Variants in PPP1R1A observed in about 807,000 individuals in gnomAD.
PPP1R1A encodes protein phosphatase 1 regulatory inhibitor subunit 1A.
Under a neutral mutation model 23.9 loss-of-function variants are expected in PPP1R1A, and 18 were observed. The observed-to-expected ratio is 0.75, with a 90% CI of 0.52 to 1.12. The LOEUF (loss-of-function observed/expected upper bound fraction) is 1.12. PPP1R1A is among the 50% of genes most tolerant of loss of function. The probability of loss-of-function intolerance (pLI) is 0.00; values close to 1 mark genes in which losing one functional copy is unlikely to be tolerated. For missense variants in PPP1R1A, 207 were observed against 223.8 expected, an observed-to-expected ratio of 0.92 and a Z score of 0.48; for synonymous variants, 84 against 80.7, an observed-to-expected ratio of 1.04 and a Z score of -0.22.
intron 1 of PPP1R1A, among the ~76,000 whole-genome samples, chr12:54,588,181 G>C (rs532725134): frequency 6.6e-6 from 1 of 151,846 alleles, no homozygotes; most frequent in East Asian, 1.9e-4. Flanking sequence ...TCGAGTGGAG[G>C]CGCTCTTCCT....
intron 1 of PPP1R1A, among the ~76,000 whole-genome samples, chr12:54,587,934 G>GT (rs1411698719): frequency 1.3e-5 from 2 of 152,002 alleles, no homozygotes; most frequent in Non-Finnish European, 2.9e-5. Context: ...AGGGAGAGCT[G>GT]TTTCTCCTCT....
chr12:54,583,274 G>A, intron 2 of PPP1R1A, 26 bp from the exon 3 acceptor site: 2 of 1,489,248 alleles, frequency 1.3e-6, no homozygotes, highest in Non-Finnish European at 1.8e-6. Context: ...AAAGGAGAGG[G>A]TGATAAGGAC....
chr12:54,582,237 G>A, intron 4 of PPP1R1A, 106 bp from the exon 5 acceptor site: 1 of 1,247,230 alleles, frequency 8.0e-7, no homozygotes, highest in South Asian at 1.6e-5. Context: ...ACACATTGCT[G>A]GGTGTTTGAC....
chr12:54,581,728 T>A lies in PPP1R1A; in HGVS notation c.403+248A>T, dbSNP rs940970333. 2.6e-5 allele frequency among the ~76,000 whole-genome samples: 4 copies of A among 152,212 alleles called. No individual in the cohort carries two copies. The highest frequency in any genetic ancestry group is 9.7e-5 in the African/African-American group (4 of 41,450). ...TGATTGCTGTTCCCATGAAGGTGGGTTTCCCCCATGTAGCCACAGTGGGGC... is the reference window on the plus strand; with the variant it reads ...TGATTGCTGTTCCCATGAAGGTGGGATTCCCCCATGTAGCCACAGTGGGGC... On this transcript the variant is annotated intron_variant, in intron 5 of 6. Coordinates refer to ENST00000257905, the MANE Select transcript of PPP1R1A (RefSeq NM_006741.4). The surrounding 1 kb of genome is among the most constrained non-coding windows in gnomAD (Gnocchi z 4.1).
At chr12:54,587,770 G>A (rs1052027490) in intron 1 of PPP1R1A, among the ~76,000 whole-genome samples, 2 of 152,038 alleles carry the variant, frequency 1.3e-5, no homozygotes, top group African/African-American at 4.8e-5. Flanking sequence ...TGGGAATAAG[G>A]GCCATGTGCG....
intron 2 of PPP1R1A, among the ~76,000 whole-genome samples, chr12:54,583,672 G>T (rs1352147849): frequency 6.6e-6 from 1 of 152,188 alleles, no homozygotes; most frequent in Non-Finnish European, 1.5e-5. Flanking sequence ...AATTTATTCT[G>T]TGCAGGGTCT....
intron 1 of PPP1R1A, among the ~76,000 whole-genome samples, chr12:54,584,586 A>G (rs1042952066): frequency 6.6e-6 from 1 of 152,174 alleles, no homozygotes; most frequent in African/African-American, 2.4e-5. Flanking sequence ...GGGGAATAAA[A>G]GAGAGGGAGG....
In PPP1R1A at chr12:54,582,719, G is replaced by A; in HGVS notation, c.247+13C>T. 6.2e-7 allele frequency: 1 copy of A among 1,612,998 alleles called. No individual in the cohort carries two copies. On this transcript the variant is annotated intron_variant, in intron 4 of 6. Coordinates refer to ENST00000257905, the MANE Select transcript of PPP1R1A (RefSeq NM_006741.4). ...CACAGAGGAGAAAAAGGGATGGGAG[G>A]GGTCTTGCAAACCTTTCATTGTGGG...
At chr12:54,586,702 T>TC (rs1415173411) in intron 1 of PPP1R1A, among the ~76,000 whole-genome samples, 1 of 152,198 alleles carries the variant, frequency 6.6e-6, no homozygotes, top group African/African-American at 2.4e-5. Flanking sequence ...CTCTCTTTTT[T>TC]CCCTCTGACT....
chr12:54,585,131 G>A (rs1957897313), intron 1 of PPP1R1A, among the ~76,000 whole-genome samples: 1 of 152,196 alleles, frequency 6.6e-6, no homozygotes, highest in African/African-American at 2.4e-5. Flanking sequence ...GGATCTGAAC[G>A]TGCATCTCCT....
Position 54,581,930 on chromosome 12 carries a change from G to A in PPP1R1A, c.403+46C>T. 1.9e-6 allele frequency: 3 copies of A among 1,572,488 alleles called. No individual in the cohort carries two copies. The highest frequency in any genetic ancestry group is 2.6e-6 in the Non-Finnish European group (3 of 1,158,108). ...CAGTGGGTAAGGCTTGCCTCCTGCT[G>A]GGCTGGGAAATAGGATGCCTGGGGC... On this transcript the variant is annotated intron_variant, in intron 5 of 6. Transcript: ENST00000257905. The surrounding 1 kb of genome is among the most constrained non-coding windows in gnomAD (Gnocchi z 4.1).
At position 54,584,388 on chromosome 12, in the gene PPP1R1A, C is replaced by T. The variant is rs372504797; in HGVS notation, c.85-68G>A. On this transcript the variant is annotated intron_variant, in intron 1 of 6. Transcript: ENST00000257905. ...GAAGCATCAAAGCCCCACCCAAAAC[C>T]ACTCAGTAACATAATCCAGGCTAGC... 8.1e-5 allele frequency: 112 copies of T among 1,379,698 alleles called. 1 individual carries two copies. The South Asian group carries it at 1.1e-3, about 13-fold the overall frequency. The allele number at this position is 1,379,698 out of a possible 1,614,324, so 85.5% of individuals were successfully genotyped here. A position where few individuals can be genotyped will look rare whatever the true frequency, so the allele number is the denominator to read the frequency against.
intron 1 of PPP1R1A, among the ~76,000 whole-genome samples, chr12:54,585,037 CA>C (rs147154216): frequency 0.054 from 8,294 of 152,264 alleles, 488 homozygotes; most frequent in African/African-American, 0.15. Context: ...ACTCCCCAAG[CA>C]AGATGTTAAC....
At position 54,583,074 on chromosome 12, in the gene PPP1R1A, T is replaced by A. The variant is rs368572328; in HGVS notation, c.183+137A>T. The stretch of plus-strand genomic sequence containing the variant: ...GGGTGCATGTGTATATGTTCACTCA[T>A]GCACATTTGGGGGGTAGAGGTACAG... On this transcript the variant is annotated intron_variant, in intron 3 of 6. Coordinates refer to ENST00000257905, the MANE Select transcript of PPP1R1A (RefSeq NM_006741.4). The A allele has an allele frequency of 1.5e-5, 13 of 890,630 alleles. No homozygotes were observed. The East Asian group carries it at 3.6e-4, about 24-fold the overall frequency. The allele number at this position is 890,630 out of a possible 1,614,324, so 55.2% of individuals were successfully genotyped here.
chr12:54,582,264 A>T (rs886868226), intron 4 of PPP1R1A, 133 bp from the exon 5 acceptor site: 1 of 940,486 alleles, frequency 1.1e-6, no homozygotes, highest in African/African-American at 1.7e-5. Flanking sequence ...ATCCACTGAG[A>T]TCTGAACAAG....
Position 54,580,404 on chromosome 12 carries a change from G to T in PPP1R1A, c.511-12C>A, listed in dbSNP as rs1565710860. ...CTCCTCTCTCAGACCTGTTATGGGG[G>T]AAAGGGGACAGAAAGAGAAGGTGAG... On this transcript the variant is annotated splice_polypyrimidine_tract_variant and intron_variant, in intron 6 of 6. Coordinates refer to ENST00000257905, the MANE Select transcript of PPP1R1A (RefSeq NM_006741.4). The T allele has an allele frequency of 6.2e-7, 1 of 1,611,400 alleles. No homozygotes were observed. Among genetic ancestry groups the T allele is most frequent in the Non-Finnish European group, 8.5e-7 (1 of 1,177,692 alleles).
chr12:54,588,403 A>ACCTGCTCCGCC lies in PPP1R1A; in HGVS notation c.75_84+1dup. 6.7e-7 allele frequency: 1 copy of ACCTGCTCCGCC among 1,493,110 alleles called. No homozygotes were observed. Among genetic ancestry groups the ACCTGCTCCGCC allele is most frequent in the Non-Finnish European group, 9.0e-7 (1 of 1,115,884 alleles). The allele number at this position is 1,493,110 out of a possible 1,614,324, so 92.5% of individuals were successfully genotyped here. Reference sequence around the variant, plus strand: ...GCCCTGCCGCCCCGCCCTGCTCCGCACCTGCTCCGCCGCCTCGGGGTCAAG... The same window carrying ACCTGCTCCGCC: ...GCCCTGCCGCCCCGCCCTGCTCCGCACCTGCTCCGCCCCTGCTCCGCCGCCTCGGGGTCAAG... On this transcript the variant is annotated splice_donor_variant, in intron 1 of 6. Coordinates refer to ENST00000257905, the MANE Select transcript of PPP1R1A (RefSeq NM_006741.4). LOFTEE classifies it high-confidence loss of function.
intron 3 of PPP1R1A, 141 bp from the exon 4 acceptor site, chr12:54,582,936 G>A (rs1957871226): frequency 2.1e-6 from 2 of 930,956 alleles, no homozygotes; most frequent in East Asian, 2.6e-5. Flanking sequence ...GGAGCCTGGG[G>A]TAGGTGTGAG....
intron 1 of PPP1R1A, among the ~76,000 whole-genome samples, chr12:54,585,526 G>A (rs1013928986): frequency 6.6e-6 from 1 of 152,132 alleles, no homozygotes; most frequent in Admixed American, 6.5e-5. Context: ...GAAGGATGGG[G>A]GTTAGAGGAT....
Sources: gnomAD v4.1 joint callset for allele counts (sites outside exome capture counted in the v4.1 genomes callset) on GRCh38, gnomAD v4.1.1 for gene constraint, Gnocchi (gnomAD v3.1) non-coding constraint, MANE v1.5 for transcripts, NCBI Gene and HGNC (gene_info 2026-07-23, HGNC 2026-07-21) for gene names.